Variants in FAM151B observed in about 807,000 individuals in gnomAD.
FAM151B encodes protein FAM151B.
Under a neutral mutation model 31.2 loss-of-function variants are expected in FAM151B, and 24 were observed. The observed-to-expected ratio is 0.77, with a 90% confidence interval of 0.56 to 1.08. The LOEUF is 1.08. Among genes scored for constraint, FAM151B ranks in the 50% least tolerant of loss-of-function variants. FAM151B has a pLI of 0.00. For synonymous variants in FAM151B, 105 were observed against 111.4 expected (o/e 0.94, Z 0.36); for missense variants, 293 against 328.6 (o/e 0.89, Z 0.84).
chr5:80,512,281 A>G (rs1454659852), intron 2 of FAM151B, among the ~76,000 whole-genome samples: 2 of 152,216 alleles, frequency 1.3e-5, no homozygotes, highest in Non-Finnish European at 2.9e-5. Context: ...GTTGTTCATC[A>G]AGTTATTTCA....
In FAM151B at chr5:80,538,483, TTTCC is replaced by T. The variant is rs1423375528; in HGVS notation, c.672-3175_672-3172del. ...CTTTCTTTCTTTCTTTCTTTCTTTC[TTTCC>T]TTCCTTCCTTCCTTTCTTTTCTTTC... is the stretch of plus-strand genomic sequence containing the variant. On this transcript the variant is annotated intron_variant, in intron 5 of 5. Coordinates refer to ENST00000282226, the MANE Select transcript of FAM151B (RefSeq NM_205548.3). Among the ~76,000 whole-genome samples the T allele has an allele frequency of 2.8e-4, 28 of 101,078 alleles. 1 individual carries two copies. Among genetic ancestry groups the T allele is most frequent in the African/African-American group, 9.0e-4 (22 of 24,390 alleles). 66.3% of individuals were successfully genotyped at this position (101,078 alleles called of 152,430 possible). A position where few individuals can be genotyped will look rare whatever the true frequency, so the allele number is the denominator to read the frequency against.
intron 5 of FAM151B, among the ~76,000 whole-genome samples, chr5:80,538,008 A>G (rs960974633): frequency 6.6e-6 from 1 of 152,088 alleles, no homozygotes; most frequent in Non-Finnish European, 1.5e-5. Context: ...CTTTATACAT[A>G]TAAGAGTAAA....
At chr5:80,488,566 G>A (rs1472181673) in intron 1 of FAM151B, among the ~76,000 whole-genome samples, 5 of 152,252 alleles carry the variant, frequency 3.3e-5, no homozygotes, top group Non-Finnish European at 7.3e-5. Context: ...CCGCTGCTGA[G>A]CGCGCTGCCT....
chr5:80,492,195 G>T (rs1314085404), intron 1 of FAM151B, among the ~76,000 whole-genome samples: 2 of 151,180 alleles, frequency 1.3e-5, no homozygotes, highest in African/African-American at 4.9e-5. Context: ...CCCACAAATT[G>T]AAGGTTTGTA....
chr5:80,490,667 T>G (rs1561357524), intron 1 of FAM151B, among the ~76,000 whole-genome samples: 1 of 152,268 alleles, frequency 6.6e-6, no homozygotes, highest in Non-Finnish European at 1.5e-5. Context: ...TCATCCAATA[T>G]AGACCCTCTT....
chr5:80,490,012 TCC>T (rs1743255087), intron 1 of FAM151B, among the ~76,000 whole-genome samples: 1 of 70,448 alleles, frequency 1.4e-5, no homozygotes, highest in African/African-American at 4.3e-5. Flanking sequence ...ATGTCATTTT[TCC>T]CCCTTACACA....
At chr5:80,530,856 T>A (rs1468406747) in intron 5 of FAM151B, among the ~76,000 whole-genome samples, 1 of 152,182 alleles carries the variant, frequency 6.6e-6, no homozygotes, top group Non-Finnish European at 1.5e-5. Context: ...AAGCTACCAA[T>A]GACTTTCTTC....
intron 5 of FAM151B, among the ~76,000 whole-genome samples, chr5:80,535,164 A>G (rs1745434192): frequency 6.6e-6 from 1 of 152,198 alleles, no homozygotes; most frequent in African/African-American, 2.4e-5. Context: ...TTGTTAAAAT[A>G]TCCATACTAC....
intron 1 of FAM151B, 124 bp downstream of exon 1, chr5:80,488,272 G>T (rs1438338673): frequency 9.6e-6 from 12 of 1,244,372 alleles, no homozygotes; most frequent in Non-Finnish European, 1.2e-5. Flanking sequence ...GCGCCGCGCA[G>T]AACCGGGCGG....
chr5:80,539,420 T>G (rs531217647), intron 5 of FAM151B, among the ~76,000 whole-genome samples: 1 of 152,332 alleles, frequency 6.6e-6, no homozygotes, highest in East Asian at 1.9e-4. Flanking sequence ...TTGAATAACT[T>G]TGCCTCTTCC....
Position 80,522,105 on chromosome 5 carries a change from C to G in FAM151B, c.638C>G (p.Ser213Cys), listed in dbSNP as rs767816289. The change falls in exon 5 of 6, where the codon TCT (serine) becomes TGT (cysteine). Residue 213 changes from serine (S) to cysteine (C), a missense_variant. By Grantham distance (112) the Ser-to-Cys change is moderately radical. Coordinates refer to ENST00000282226, the MANE Select transcript of FAM151B (RefSeq NM_205548.3). ...GCAGCATTAGTCAGGCAGTCTTGTT[C>G]TCAGTTACTTTGGCTGTTAAAGAAA... ...VRAALVRQSC[S>C]QLLWLLKKSN... is the part of the protein sequence containing the mutation. The G allele has an allele frequency of 2.5e-6, 4 of 1,612,806 alleles. No individual in the cohort carries two copies. In the South Asian group the frequency reaches 4.4e-5, roughly 18 times the overall value.
chr5:80,519,618 G>T, intron 3 of FAM151B, 75 bp from the exon 4 acceptor site: 1 of 1,202,018 alleles, frequency 8.3e-7, no homozygotes, highest in South Asian at 1.4e-5. Context: ...AGAACATTGA[G>T]ACCACTAGTC....
At chr5:80,531,187 T>C (rs1335661754) in intron 5 of FAM151B, among the ~76,000 whole-genome samples, 5 of 152,142 alleles carry the variant, frequency 3.3e-5, no homozygotes, top group Non-Finnish European at 7.4e-5. Context: ...TAGCCATATG[T>C]AGAAAGCTGA....
chr5:80,523,814 G>A (rs944540368), intron 5 of FAM151B, among the ~76,000 whole-genome samples: 9 of 152,092 alleles, frequency 5.9e-5, no homozygotes, highest in Admixed American at 2.0e-4. Context: ...TGAATCAGTG[G>A]CTGCTAGCAT....
Position 80,513,531 on chromosome 5 carries a change from A to G in FAM151B, c.152-73A>G. On this transcript the variant is annotated intron_variant, in intron 2 of 5. Coordinates refer to ENST00000282226, the MANE Select transcript of FAM151B (RefSeq NM_205548.3). ...TTTTTTTTATCTTCCTCAAAAGGAT[A>G]CTGAACATGGTGCCTCCTGTAGTTC... 2.9e-6 allele frequency: 4 copies of G among 1,398,702 alleles called. No individual in the cohort carries two copies. In the South Asian group the frequency reaches 5.6e-5, roughly 20 times the overall value. The allele number at this position is 1,398,702 out of a possible 1,614,324, so 86.6% of individuals were successfully genotyped here.
chr5:80,520,357 T>C (rs1744645026), intron 4 of FAM151B, among the ~76,000 whole-genome samples: 1 of 152,016 alleles, frequency 6.6e-6, no homozygotes, highest in African/African-American at 2.4e-5. Context: ...AAAATAGATA[T>C]ATTCTGGCCG....
chr5:80,515,795 T>C (rs1048092334), intron 3 of FAM151B, among the ~76,000 whole-genome samples: 3 of 152,224 alleles, frequency 2.0e-5, no homozygotes, highest in East Asian at 1.9e-4. Flanking sequence ...AGGTAGGTTA[T>C]TGCTGTTATT....
chr5:80,508,839 G>T (rs1166082370), intron 2 of FAM151B, among the ~76,000 whole-genome samples: 1 of 152,182 alleles, frequency 6.6e-6, no homozygotes, highest in African/African-American at 2.4e-5. Flanking sequence ...ATCTAGCTAT[G>T]TGGCTACATG....
chr5:80,537,087 C>T (rs1237440911), intron 5 of FAM151B, among the ~76,000 whole-genome samples: 1 of 152,134 alleles, frequency 6.6e-6, no homozygotes, highest in Non-Finnish European at 1.5e-5. Context: ...GGGGTGGGAA[C>T]CCTATTTTTC....
Sources: gnomAD v4.1 joint callset for allele counts (sites outside exome capture counted in the v4.1 genomes callset) on GRCh38, gnomAD v4.1.1 for gene constraint, MANE v1.5 for transcripts, NCBI Gene and HGNC (gene_info 2026-07-23, HGNC 2026-07-21) for gene names.